CYP7B1: variants seen among roughly 807,000 people sequenced by gnomAD.
The protein encoded by CYP7B1 is cytochrome P450 7B1.
Under a neutral mutation model 42.7 loss-of-function variants are expected in CYP7B1, and 29 were observed. The ratio of observed to expected loss-of-function variants is 0.68; its 90% CI spans 0.51 to 0.93. The LOEUF (loss-of-function observed/expected upper bound fraction) is 0.93, where lower values mean the gene tolerates loss of function less well. Ranked by LOEUF, CYP7B1 falls within the 40% of genes least tolerant of loss-of-function variation. The pLI is 0.00. For missense variants in CYP7B1, 655 were observed against 600.5 expected, an observed-to-expected ratio of 1.09 and a Z score of -0.95; for synonymous variants, 235 against 218.2, an observed-to-expected ratio of 1.08 and a Z score of -0.68.
chr8:64,680,590 C>G (rs1222513174), intron 1 of CYP7B1, among the ~76,000 whole-genome samples: 1 of 151,842 alleles, frequency 6.6e-6, no homozygotes, highest in Non-Finnish European at 1.5e-5. Context: ...CTGCATGGGC[C>G]CTTCGAAAAT....
intron 1 of CYP7B1, among the ~76,000 whole-genome samples, chr8:64,755,485 C>T (rs1414845100): frequency 6.6e-6 from 1 of 152,102 alleles, no homozygotes; most frequent in African/African-American, 2.4e-5. Context: ...ATGGCACGAT[C>T]TCGGCTCACT....
At chr8:64,705,232 G>T (rs1463740980) in intron 1 of CYP7B1, among the ~76,000 whole-genome samples, 1 of 151,712 alleles carries the variant, frequency 6.6e-6, no homozygotes. Flanking sequence ...AAAAAGGTGG[G>T]GGGGGGAATC....
At position 64,703,323 on chromosome 8, in the gene CYP7B1, G is replaced by T. The variant is rs149186674; in HGVS notation, c.123-78784C>A. On this transcript the variant is annotated intron_variant, in intron 1 of 5. Transcript: ENST00000310193. ...TAAATTATCTTGATTTGCTTGAATT[G>T]CTTAATTATACATAAAACGGAAGCA... Among the ~76,000 whole-genome samples, 50 of 152,034 alleles carry T rather than the reference G, an allele frequency of 3.3e-4. No individual in the cohort carries two copies. The East Asian group carries it at 5.6e-3, about 17-fold the overall frequency.
chr8:64,790,580 G>A (rs1281239048), intron 1 of CYP7B1, among the ~76,000 whole-genome samples: 2 of 152,106 alleles, frequency 1.3e-5, no homozygotes, highest in Non-Finnish European at 1.5e-5. Flanking sequence ...TATTCTTTAA[G>A]CCATAAGTTA....
chr8:64,713,849 T>C (rs922867588), intron 1 of CYP7B1, among the ~76,000 whole-genome samples: 1 of 152,222 alleles, frequency 6.6e-6, no homozygotes, highest in African/African-American at 2.4e-5. Context: ...GGGTCTTCTC[T>C]TTTTACATTA....
intron 1 of CYP7B1, among the ~76,000 whole-genome samples, chr8:64,796,228 A>G (rs1448123643): frequency 6.6e-6 from 1 of 152,352 alleles, no homozygotes; most frequent in East Asian, 1.9e-4. Flanking sequence ...AAACAAATGC[A>G]AATTACAATA....
In CYP7B1 at chr8:64,623,996, G is replaced by C. The variant is rs147363663; in HGVS notation, c.259+407C>G. 5.3e-4 allele frequency among the ~76,000 whole-genome samples: 81 copies of C among 152,122 alleles called. 1 individual carries two copies. The East Asian group carries it at 0.016, about 29-fold the overall frequency. On this transcript the variant is annotated intron_variant, in intron 2 of 5. Transcript: ENST00000310193. ...AGATACAATCAGGGAAACTGTGATTGGGGGGAGGGGGTATATGGGAACTCT... is the reference window on the plus strand; with the variant it reads ...AGATACAATCAGGGAAACTGTGATTCGGGGGAGGGGGTATATGGGAACTCT...
chr8:64,638,768 G>A (rs1026540957), intron 1 of CYP7B1, among the ~76,000 whole-genome samples: 2 of 152,018 alleles, frequency 1.3e-5, no homozygotes, highest in African/African-American at 4.8e-5. Context: ...GGGGCTGGGA[G>A]GATTAGGAAT....
intron 1 of CYP7B1, among the ~76,000 whole-genome samples, chr8:64,745,086 A>C (rs962985217): frequency 1.3e-5 from 2 of 152,208 alleles, no homozygotes; most frequent in African/African-American, 2.4e-5. Flanking sequence ...CATTTAGTTC[A>C]ACAGATTAAA....
chr8:64,704,600 T>C (rs1806965430), intron 1 of CYP7B1, among the ~76,000 whole-genome samples: 2 of 152,058 alleles, frequency 1.3e-5, no homozygotes, highest in Admixed American at 6.6e-5. Context: ...TAGCTTCTTA[T>C]AGTCTCTGAA....
chr8:64,607,152 G>A (rs1020714382), intron 4 of CYP7B1, among the ~76,000 whole-genome samples: 2 of 152,086 alleles, frequency 1.3e-5, no homozygotes, highest in Admixed American at 1.3e-4. Flanking sequence ...GGATAACCAA[G>A]CAACAAATGA....
chr8:64,769,220 T>C (rs1472031137), intron 1 of CYP7B1, among the ~76,000 whole-genome samples: 1 of 152,208 alleles, frequency 6.6e-6, no homozygotes, highest in Non-Finnish European at 1.5e-5. Flanking sequence ...ATAAGATCTA[T>C]GGAACGGGAT....
At position 64,667,341 on chromosome 8, in the gene CYP7B1, C is replaced by A. The variant is rs555405373; in HGVS notation, c.123-42802G>T. On this transcript the variant is annotated intron_variant, in intron 1 of 5. Transcript: ENST00000310193. ...CTCATCCACCATATCAATCCCCGTGCAATAGAAATGCACCATTACTCGGAG... is the reference window on the plus strand; with the variant it reads ...CTCATCCACCATATCAATCCCCGTGAAATAGAAATGCACCATTACTCGGAG... 3.2e-4 allele frequency among the ~76,000 whole-genome samples: 49 copies of A among 152,180 alleles called. No homozygotes were observed. In the South Asian group the frequency reaches 1.0e-2, roughly 31 times the overall value.
chr8:64,793,202 A>G (rs1804648440), intron 1 of CYP7B1, among the ~76,000 whole-genome samples: 1 of 152,166 alleles, frequency 6.6e-6, no homozygotes, highest in Non-Finnish European at 1.5e-5. Context: ...TAAAAATAAA[A>G]TCTGTTATCA....
At chr8:64,589,720 A>G (rs528509773), downstream of CYP7B1, 1 of 152,334 alleles carries the variant, frequency 6.6e-6, no homozygotes, top group African/African-American at 2.4e-5. Context: ...CACACAAATA[A>G]GAATCTCCAA....
In CYP7B1 at chr8:64,755,169, G is replaced by A. The variant is rs572915535; in HGVS notation, c.122+43297C>T. Among the ~76,000 whole-genome samples, 44 of 152,304 alleles carry A rather than the reference G, an allele frequency of 2.9e-4. No individual in the cohort carries two copies. In the East Asian group the frequency reaches 6.2e-3, roughly 21 times the overall value. The stretch of plus-strand genomic sequence containing the variant: ...GGCTGACTGCCAGGTGTGTGCATAT[G>A]TGTGTGTGCGTGCATGTGTGTGTTT... On this transcript the variant is annotated intron_variant, in intron 1 of 5. Coordinates refer to ENST00000310193, the MANE Select transcript of CYP7B1 (RefSeq NM_004820.5).
chr8:64,713,467 T>G (rs142335009), intron 1 of CYP7B1, among the ~76,000 whole-genome samples: 1,845 of 152,190 alleles, frequency 0.012, 44 homozygotes, highest in African/African-American at 0.04. Context: ...TGATTAAATG[T>G]TCTCCATTTG....
chr8:64,722,353 G>C (rs1807248488), intron 1 of CYP7B1, among the ~76,000 whole-genome samples: 1 of 151,992 alleles, frequency 6.6e-6, no homozygotes, highest in Admixed American at 6.6e-5. Flanking sequence ...TGAAAATATG[G>C]CTATGAATAT....
At chr8:64,597,420 G>T (rs1172606565) in intron 5 of CYP7B1, among the ~76,000 whole-genome samples, 1 of 152,216 alleles carries the variant, frequency 6.6e-6, no homozygotes, top group Non-Finnish European at 1.5e-5. Flanking sequence ...TGAGAACTAT[G>T]AGTTTAGGAT....
Sources: allele counts gnomAD v4.1 joint callset (sites outside exome capture counted in the v4.1 genomes callset), GRCh38; gene constraint gnomAD v4.1.1; transcripts MANE v1.5; gene names NCBI Gene and HGNC (gene_info 2026-07-23, HGNC 2026-07-21).